The following IGDCC4 variants were observed in gnomAD, a reference collection of about 807,000 sequenced individuals.
IGDCC4 encodes the protein likely ortholog of mouse neighbor of Punc E11.
In IGDCC4, 72 loss-of-function variants were observed where a neutral mutation model predicts 116.6. The observed-to-expected ratio is 0.62, with a 90% CI of 0.51 to 0.75. The LOEUF (loss-of-function observed/expected upper bound fraction) is 0.75, where lower values mean the gene tolerates loss of function less well. Ranked by LOEUF, IGDCC4 falls within the 30% of genes least tolerant of loss-of-function variation. The pLI is 0.00. For missense variants in IGDCC4, 1,501 were observed against 1,662.4 expected (o/e 0.90, Z 1.69); for synonymous variants, 709 against 719.9 (o/e 0.98, Z 0.24).
At position 65,388,951 on chromosome 15, in the gene IGDCC4, C is replaced by T. The variant is rs1424534018; in HGVS notation, c.2564G>A (p.Arg855Gln). Residue 855 changes from arginine to glutamine, a missense_variant, in exon 15 of 20, where the codon CGA becomes CAA. This residue lies in a region of IGDCC4 where 235 missense variants were observed against 328.0 expected (regional missense o/e 0.72). Coordinates refer to ENST00000352385, the MANE Select transcript of IGDCC4 (RefSeq NM_020962.3). ...DRPSTPPSDL[R>Q]LSPLTPSTVR... ...CGTGGACGGTGTCAGGGGGCTCAGTCGCAGGTCGGATGGGGGTGTGGAGGG... is the reference window on the plus strand; with the variant it reads ...CGTGGACGGTGTCAGGGGGCTCAGTTGCAGGTCGGATGGGGGTGTGGAGGG... 3.1e-6 allele frequency: 5 copies of T among 1,607,820 alleles called. No individual in the cohort carries two copies. The highest frequency in any genetic ancestry group is 2.7e-5 in the African/African-American group (2 of 74,602).
At chr15:65,422,389 C>G (rs2063200985) in intron 1 of IGDCC4, among the ~76,000 whole-genome samples, 1 of 152,042 alleles carries the variant, frequency 6.6e-6, no homozygotes. Flanking sequence ...TTTACACACA[C>G]TCTCAACCCA....
At chr15:65,417,203 T>C (rs111415702) in intron 1 of IGDCC4, among the ~76,000 whole-genome samples, 227 of 152,214 alleles carry the variant, frequency 1.5e-3, no homozygotes, top group African/African-American at 5.3e-3. Context: ...CCAGAAACCT[T>C]CCTTCCTGCC....
intron 1 of IGDCC4, 27 bp downstream of exon 1, chr15:65,422,766 C>G: frequency 7.5e-7 from 1 of 1,333,498 alleles, no homozygotes; most frequent in Non-Finnish European, 9.6e-7. Flanking sequence ...CGCAGTCGCT[C>G]CTGCCTCTCC....
At chr15:65,388,327 C>A in intron 16 of IGDCC4, 122 bp downstream of exon 16, 2 of 1,330,490 alleles carry the variant, frequency 1.5e-6, no homozygotes, top group Non-Finnish European at 2.1e-6. Context: ...TTCCCCTTCA[C>A]ATTTGCTCTG....
intron 3 of IGDCC4, among the ~76,000 whole-genome samples, chr15:65,408,583 G>A (rs1005847592): frequency 6.6e-6 from 1 of 152,186 alleles, no homozygotes; most frequent in African/African-American, 2.4e-5. Flanking sequence ...ACTTCTCAGG[G>A]CCTTGCCAAC....
In IGDCC4 at chr15:65,382,201, A is replaced by G. The variant is rs1212097186; in HGVS notation, c.*1808T>C. ...CCACAGCAGCGCTGAATGCTACAGA[A>G]ATACTACAAGTGACAATTCTGTCTT... On this transcript the variant is annotated 3_prime_UTR_variant, in exon 20 of 20. Transcript: ENST00000352385. 6 of 152,594 alleles carry G rather than the reference A, an allele frequency of 3.9e-5. No homozygotes were observed. The highest frequency in any genetic ancestry group is 3.9e-4 in the Admixed American group (6 of 15,278). The allele number at this position is 152,594 out of a possible 1,614,324, so 9.5% of individuals were successfully genotyped here.
intron 5 of IGDCC4, among the ~76,000 whole-genome samples, chr15:65,399,942 C>T (rs1354663282): frequency 2.6e-5 from 4 of 152,086 alleles, no homozygotes; most frequent in South Asian, 2.1e-4. Flanking sequence ...TAAAAATAAC[C>T]CTTGCTTTCT....
intron 1 of IGDCC4, among the ~76,000 whole-genome samples, chr15:65,413,676 C>G (rs1161973720): frequency 6.6e-6 from 1 of 152,204 alleles, no homozygotes; most frequent in East Asian, 1.9e-4. Flanking sequence ...CCTTCTTAGG[C>G]TCTGGTCTGA....
At position 65,383,932 on chromosome 15, in the gene IGDCC4, T is replaced by A. The variant is rs1383681554; in HGVS notation, c.*77A>T. 2.9e-6 allele frequency: 4 copies of A among 1,356,522 alleles called. No homozygotes were observed. In the East Asian group the frequency reaches 9.7e-5, roughly 33 times the overall value. 84.0% of individuals were successfully genotyped at this position (1,356,522 alleles called of 1,614,324 possible). On this transcript the variant is annotated 3_prime_UTR_variant, in exon 20 of 20. Coordinates refer to ENST00000352385, the MANE Select transcript of IGDCC4 (RefSeq NM_020962.3). The stretch of plus-strand genomic sequence containing the variant: ...GATGATGTATCTACAGGCACACATG[T>A]GGACATACACGGCCACAGGTATCGC...
intron 3 of IGDCC4, among the ~76,000 whole-genome samples, chr15:65,402,943 C>A (rs2063004248): frequency 6.6e-6 from 1 of 152,180 alleles, no homozygotes; most frequent in African/African-American, 2.4e-5. Context: ...TAATAACACT[C>A]CGTGTGGATG....
At chr15:65,403,990 A>G (rs1384999257) in intron 3 of IGDCC4, among the ~76,000 whole-genome samples, 1 of 152,072 alleles carries the variant, frequency 6.6e-6, no homozygotes, top group Non-Finnish European at 1.5e-5. Context: ...TAGTTTCTCA[A>G]CAGAGCAAAT....
In IGDCC4 at chr15:65,392,275, A is replaced by G; in HGVS notation, c.1981T>C (p.Tyr661His). 6.2e-7 allele frequency: 1 copy of G among 1,608,924 alleles called. No homozygotes were observed. The highest frequency in any genetic ancestry group is 8.5e-7 in the Non-Finnish European group (1 of 1,177,028). The change falls in exon 11 of 20, where the codon TAC becomes CAC. Residue 661 changes from tyrosine (Y) to histidine (H), a missense_variant. Around this residue, in one of 3 missense-constraint regions of IGDCC4, gnomAD observed 898 missense variants for 978.9 expected, o/e 0.92. Transcript: ENST00000352385. ...CCCACCTCCCGCCAATATAGTTTGT[A>G]GCCAGAGATCTGGGTGGGGTGAGGG... ...PPPHPTQISG[Y>H]KLYWREVGAE... is the part of the protein sequence containing the mutation.
chr15:65,385,976 G>T lies in IGDCC4; in HGVS notation c.3035C>A (p.Pro1012His), dbSNP rs781551592. 8 of 1,596,692 alleles carry T rather than the reference G, an allele frequency of 5.0e-6. No individual in the cohort carries two copies. Among genetic ancestry groups the T allele is most frequent in the Non-Finnish European group, 6.8e-6 (8 of 1,170,678 alleles). ...YSRARLGPPS[P>H]PAAHELESLV... ...GGACTCCAATTCATGGGCAGCTGGG[G>T]GGCTGGGGGGGCCAAGCCGAGCTCT... The change falls in exon 18 of 20, where the codon CCC becomes CAC. Residue 1012 changes from proline to histidine, a missense_variant. Around this residue, in one of 3 missense-constraint regions of IGDCC4, gnomAD observed 368 missense variants for 355.6 expected, o/e 1.03. Coordinates refer to ENST00000352385, the MANE Select transcript of IGDCC4 (RefSeq NM_020962.3).
In IGDCC4 at chr15:65,400,951, C is replaced by A. The variant is rs754220248; in HGVS notation, c.701-5G>T. 2.7e-5 allele frequency: 43 copies of A among 1,614,012 alleles called. No individual in the cohort carries two copies. Among genetic ancestry groups the A allele is most frequent in the Non-Finnish European group, 3.6e-5 (43 of 1,180,008 alleles). On this transcript the variant is annotated splice_region_variant and splice_polypyrimidine_tract_variant and intron_variant, in intron 4 of 19. Coordinates refer to ENST00000352385, the MANE Select transcript of IGDCC4 (RefSeq NM_020962.3). ...CCCTGGTGGACGCCAGGGACCCTGG[C>A]GAGAAGACAGACCAGCAGGCAGCCT...
At chr15:65,405,845 T>G (rs1474059664) in intron 3 of IGDCC4, among the ~76,000 whole-genome samples, 1 of 152,230 alleles carries the variant, frequency 6.6e-6, no homozygotes, top group Non-Finnish European at 1.5e-5. Context: ...GAAGGGATGA[T>G]TCTTTTTCCA....
At chr15:65,404,736 T>C (rs1384689813) in intron 3 of IGDCC4, among the ~76,000 whole-genome samples, 2 of 152,200 alleles carry the variant, frequency 1.3e-5, no homozygotes, top group East Asian at 3.8e-4. Context: ...TATGGTGCTA[T>C]TGCTGCAGCC....
In IGDCC4 at chr15:65,381,561, C is replaced by T. The variant is rs1348653822; in HGVS notation, c.*2448G>A. The T allele has an allele frequency of 1.0e-5, 1 of 96,122 alleles. No individual in the cohort carries two copies. Among genetic ancestry groups the T allele is most frequent in the African/African-American group, 4.3e-5 (1 of 23,302 alleles). 6.0% of individuals were successfully genotyped at this position (96,122 alleles called of 1,614,324 possible). A position where few individuals can be genotyped will look rare whatever the true frequency, so the allele number is the denominator to read the frequency against. ...GCCTTAGCTTAACACTAAAGAGTAT[C>T]ATATTTGTAAGGAGAAAAAAAAAAC... On this transcript the variant is annotated 3_prime_UTR_variant, in exon 20 of 20. Transcript: ENST00000352385.
chr15:65,406,947 C>T (rs2063046150), intron 3 of IGDCC4, among the ~76,000 whole-genome samples: 1 of 152,112 alleles, frequency 6.6e-6, no homozygotes, highest in South Asian at 2.1e-4. Flanking sequence ...CTCCCAGCCA[C>T]AGTTGGACTA....
chr15:65,402,260 G>T, intron 4 of IGDCC4, 91 bp downstream of exon 4: 1 of 1,420,546 alleles, frequency 7.0e-7, no homozygotes, highest in Non-Finnish European at 9.4e-7. Flanking sequence ...CCTACTTGAA[G>T]GCAAGGCCTG....
Sources: gnomAD v4.1 joint callset for allele counts (sites outside exome capture counted in the v4.1 genomes callset) on GRCh38, gnomAD v4.1.1 for gene constraint, gnomAD v4.1.1 regional missense constraint, MANE v1.5 for transcripts, NCBI Gene and HGNC (gene_info 2026-07-23, HGNC 2026-07-21) for gene names.